The following GRK3 variants were observed in gnomAD, a reference collection of about 807,000 sequenced individuals.
GRK3 encodes adrenergic, beta, receptor kinase 2.
A neutral mutation model predicts 95.7 loss-of-function variants in GRK3; 54 were observed. That is an observed-to-expected ratio of 0.56 (90% CI 0.45 to 0.71). The LOEUF (loss-of-function observed/expected upper bound fraction) is 0.71. GRK3 is among the 30% of genes least tolerant of loss of function. The pLI, the probability that GRK3 is intolerant of heterozygous loss-of-function variation, is 0.00. For synonymous variants in GRK3, 281 were observed against 290.8 expected (o/e 0.97, Z 0.34); for missense variants, 649 against 851.2 (o/e 0.76, Z 2.96).
intron 11 of GRK3, among the ~76,000 whole-genome samples, chr22:25,688,235 C>CAAAAA (rs35383882): frequency 1.6e-5 from 1 of 63,478 alleles, no homozygotes; most frequent in Non-Finnish European, 3.2e-5. Flanking sequence ...GACTCTGTCT[C>CAAAAA]AAAAAAAAAA....
At chr22:25,670,218 G>T (rs2084969902) in intron 6 of GRK3, among the ~76,000 whole-genome samples, 1 of 152,178 alleles carries the variant, frequency 6.6e-6, no homozygotes, top group East Asian at 1.9e-4. Flanking sequence ...TATTGGTCGG[G>T]TGTGGTGGCT....
chr22:25,600,666 T>C (rs1012240412), intron 1 of GRK3, among the ~76,000 whole-genome samples: 1 of 152,208 alleles, frequency 6.6e-6, no homozygotes, highest in Non-Finnish European at 1.5e-5. Flanking sequence ...TACTACCCCA[T>C]TTTATATAAG....
intron 1 of GRK3, among the ~76,000 whole-genome samples, chr22:25,584,762 GTA>G (rs1478544681): frequency 2.0e-5 from 3 of 152,246 alleles, no homozygotes; most frequent in Non-Finnish European, 2.9e-5. Flanking sequence ...GCAGGTTCAG[GTA>G]TCCACTGGCC....
At chr22:25,631,841 T>C (rs1452624780) in intron 2 of GRK3, among the ~76,000 whole-genome samples, 1 of 152,216 alleles carries the variant, frequency 6.6e-6, no homozygotes, top group African/African-American at 2.4e-5. Flanking sequence ...TCACTTAGCA[T>C]GTAACCTTTT....
chr22:25,639,457 A>C (rs577591900), intron 2 of GRK3, among the ~76,000 whole-genome samples: 1 of 152,282 alleles, frequency 6.6e-6, no homozygotes, highest in African/African-American at 2.4e-5. Flanking sequence ...TGACTATATA[A>C]ATGTGGGCAT....
chr22:25,702,829 C>A, intron 13 of GRK3: 2 of 456,042 alleles, frequency 4.4e-6, no homozygotes, highest in Non-Finnish European at 8.8e-6. Flanking sequence ...GCGGCTTGAT[C>A]CCCGCTTTAC....
At chr22:25,606,019 G>A (rs1199281735) in intron 2 of GRK3, among the ~76,000 whole-genome samples, 3 of 151,848 alleles carry the variant, frequency 2.0e-5, no homozygotes, top group Non-Finnish European at 4.4e-5. Flanking sequence ...TACAGTCCCC[G>A]CAAACATACA....
intron 2 of GRK3, among the ~76,000 whole-genome samples, chr22:25,643,562 C>T (rs1170560820): frequency 1.3e-5 from 2 of 152,236 alleles, no homozygotes; most frequent in Admixed American, 6.5e-5. Flanking sequence ...CAGTTCCTTT[C>T]TGCAGCTTCT....
At chr22:25,717,827 T>C (rs1464173074) in intron 18 of GRK3, among the ~76,000 whole-genome samples, 3 of 152,188 alleles carry the variant, frequency 2.0e-5, no homozygotes, top group African/African-American at 7.2e-5. Flanking sequence ...CCCACTATTA[T>C]TATTTTTAAG....
chr22:25,623,693 A>G lies in GRK3; in HGVS notation c.190+19240A>G, dbSNP rs181266752. On this transcript the variant is annotated intron_variant, in intron 2 of 20. Coordinates refer to ENST00000324198, the MANE Select transcript of GRK3 (RefSeq NM_005160.4). ...ACCTGGTGTCCTTTCCTCCCTTTCT[A>G]TTGACATTAATGACACCGCTGTTCT... Among the ~76,000 whole-genome samples, 10 of 152,140 alleles carry G rather than the reference A, an allele frequency of 6.6e-5. No individual in the cohort carries two copies. The East Asian group carries it at 1.5e-3, about 24-fold the overall frequency.
intron 2 of GRK3, among the ~76,000 whole-genome samples, chr22:25,641,265 T>C (rs79761165): frequency 0.014 from 2,160 of 152,272 alleles, 50 homozygotes; most frequent in African/African-American, 0.048. Context: ...ACATTCTAAG[T>C]TGGGTGTTCA....
chr22:25,720,466 A>G (rs1289046144), intron 19 of GRK3, among the ~76,000 whole-genome samples: 2 of 135,958 alleles, frequency 1.5e-5, no homozygotes, highest in African/African-American at 5.6e-5. Context: ...AATACTATAG[A>G]CTTTTTTTTT....
In GRK3 at chr22:25,647,863, C is replaced by T. The variant is rs532590576; in HGVS notation, c.264+3198C>T. 19 of 696,640 alleles carry T rather than the reference C, an allele frequency of 2.7e-5. No individual in the cohort carries two copies. The African/African-American group carries it at 3.1e-4, about 12-fold the overall frequency. 43.2% of individuals were successfully genotyped at this position (696,640 alleles called of 1,614,324 possible). On this transcript the variant is annotated intron_variant, in intron 3 of 20. Coordinates refer to ENST00000324198, the MANE Select transcript of GRK3 (RefSeq NM_005160.4). ...CAGTGGCTCATGCCTGTAATCCCAG[C>T]ACTTTGGGAGGCCGAGTTGGGCGGA...
chr22:25,618,111 G>A (rs918558320), intron 2 of GRK3, among the ~76,000 whole-genome samples: 1 of 152,088 alleles, frequency 6.6e-6, no homozygotes, highest in Non-Finnish European at 1.5e-5. Flanking sequence ...ATTATTTTAC[G>A]TGCATTTAAC....
At position 25,720,301 on chromosome 22, in the gene GRK3, G is replaced by A. The variant is rs138928931; in HGVS notation, c.1792-983G>A. Among the ~76,000 whole-genome samples the A allele has an allele frequency of 3.8e-3, 580 of 152,180 alleles. 6 individuals are homozygous for A. The highest frequency in any genetic ancestry group is 0.013 in the African/African-American group (533 of 41,512). ...TTCTATTTAAGAAGCTACATAATATGCATGAGCAGATTTGTAAGTCTAAGT... is the reference window on the plus strand; with the variant it reads ...TTCTATTTAAGAAGCTACATAATATACATGAGCAGATTTGTAAGTCTAAGT... On this transcript the variant is annotated intron_variant, in intron 19 of 20. Coordinates refer to ENST00000324198, the MANE Select transcript of GRK3 (RefSeq NM_005160.4).
At chr22:25,707,542 G>A (rs2085309454) in intron 15 of GRK3, among the ~76,000 whole-genome samples, 1 of 152,216 alleles carries the variant, frequency 6.6e-6, no homozygotes, top group African/African-American at 2.4e-5. Context: ...AGTAAGACAG[G>A]TCCAGATAGT....
chr22:25,695,979 G>T (rs889158005), intron 13 of GRK3, among the ~76,000 whole-genome samples: 1 of 151,924 alleles, frequency 6.6e-6, no homozygotes, highest in African/African-American at 2.4e-5. Context: ...GACTACAGGC[G>T]CCTGCCACCA....
At chr22:25,698,678 A>G (rs1214239693) in intron 13 of GRK3, among the ~76,000 whole-genome samples, 1 of 152,162 alleles carries the variant, frequency 6.6e-6, no homozygotes, top group African/African-American at 2.4e-5. Flanking sequence ...CCAGGCCCCG[A>G]GGCTGAAAGC....
chr22:25,668,059 ATT>A (rs1168503914), intron 6 of GRK3, among the ~76,000 whole-genome samples: 2 of 152,164 alleles, frequency 1.3e-5, no homozygotes, highest in African/African-American at 4.8e-5. Context: ...AGGAACCTCA[ATT>A]TTAAAAAGTA....
Sources: allele counts gnomAD v4.1 joint callset (sites outside exome capture counted in the v4.1 genomes callset), GRCh38; gene constraint gnomAD v4.1.1; transcripts MANE v1.5; gene names NCBI Gene and HGNC (gene_info 2026-07-23, HGNC 2026-07-21).